MTHFD1L: variants seen among roughly 807,000 people sequenced by gnomAD.
MTHFD1L encodes the protein monofunctional C1-tetrahydrofolate synthase, mitochondrial.
A neutral mutation model predicts 119.5 loss-of-function variants in MTHFD1L; 81 were observed. The ratio of observed to expected loss-of-function variants is 0.68; its 90% CI spans 0.57 to 0.82. MTHFD1L has a LOEUF of 0.82. MTHFD1L is among the 40% of genes least tolerant of loss of function. The pLI is 0.00. For synonymous variants in MTHFD1L, 430 were observed against 475.2 expected (o/e 0.90, Z 1.24); for missense variants, 1,125 against 1,253.4 (o/e 0.90, Z 1.55).
At chr6:150,941,649 G>A (rs945354307) in intron 13 of MTHFD1L, among the ~76,000 whole-genome samples, 1 of 152,172 alleles carries the variant, frequency 6.6e-6, no homozygotes, top group African/African-American at 2.4e-5. Context: ...TAGAAAAGAG[G>A]AGGATTCAAG....
intron 24 of MTHFD1L, among the ~76,000 whole-genome samples, chr6:151,030,415 C>A (rs1465284667): frequency 6.6e-6 from 1 of 152,254 alleles, no homozygotes; most frequent in Non-Finnish European, 1.5e-5. Context: ...GAGCTGACTT[C>A]TAACAAAGCA....
intron 20 of MTHFD1L, among the ~76,000 whole-genome samples, chr6:150,982,495 G>GGGGACA (rs1402801806): frequency 6.6e-6 from 1 of 152,136 alleles, no homozygotes; most frequent in Non-Finnish European, 1.5e-5. Flanking sequence ...TAATGCTACG[G>GGGGACA]GGGACATTCT....
chr6:151,051,891 G>A (rs1310911545), intron 26 of MTHFD1L, among the ~76,000 whole-genome samples: 1 of 152,262 alleles, frequency 6.6e-6, no homozygotes, highest in African/African-American at 2.4e-5. Flanking sequence ...GCGCCCTCCT[G>A]AGGGAGGCAG....
At chr6:150,960,229 C>G (rs1796234293) in intron 17 of MTHFD1L, 46 bp from the exon 18 acceptor site, 2 of 1,558,322 alleles carry the variant, frequency 1.3e-6, no homozygotes, top group African/African-American at 2.7e-5. Flanking sequence ...AATGGCCATC[C>G]CACTGGCACT....
chr6:150,978,702 A>G (rs1776993814), intron 20 of MTHFD1L, among the ~76,000 whole-genome samples: 2 of 152,170 alleles, frequency 1.3e-5, no homozygotes, highest in Non-Finnish European at 2.9e-5. Context: ...TGCTGAGACT[A>G]TCATATACCT....
intron 24 of MTHFD1L, among the ~76,000 whole-genome samples, chr6:151,030,819 G>A (rs1470751412): frequency 6.6e-6 from 1 of 152,206 alleles, no homozygotes; most frequent in Non-Finnish European, 1.5e-5. Flanking sequence ...AGGTAAATAA[G>A]AGATGGTCCC....
chr6:150,943,044 A>C (rs1793397318), intron 13 of MTHFD1L, among the ~76,000 whole-genome samples: 1 of 149,124 alleles, frequency 6.7e-6, no homozygotes, highest in Non-Finnish European at 1.5e-5. Context: ...GCACTTTGGG[A>C]GTCTGAGGTG....
At chr6:150,937,748 C>G (rs187535777) in intron 12 of MTHFD1L, among the ~76,000 whole-genome samples, 1 of 152,254 alleles carries the variant, frequency 6.6e-6, no homozygotes, top group Non-Finnish European at 1.5e-5. Flanking sequence ...GGAGCCGCAT[C>G]TCTAAAAGTC....
At chr6:150,970,206 TATTG>T (rs1010346427) in intron 19 of MTHFD1L, among the ~76,000 whole-genome samples, 1 of 152,208 alleles carries the variant, frequency 6.6e-6, no homozygotes. Flanking sequence ...GGTTTAAGAA[TATTG>T]ATTGATTGAT....
chr6:150,909,266 T>TAAA (rs74724132), intron 8 of MTHFD1L, among the ~76,000 whole-genome samples: 21 of 140,402 alleles, frequency 1.5e-4, no homozygotes, highest in East Asian at 6.2e-4. Flanking sequence ...GTAACTACTT[T>TAAA]AAAAAAAAAA....
At chr6:150,922,616 A>G (rs1789152485) in intron 10 of MTHFD1L, among the ~76,000 whole-genome samples, 1 of 147,110 alleles carries the variant, frequency 6.8e-6, no homozygotes, top group Admixed American at 6.9e-5. Flanking sequence ...GATGTTTCCT[A>G]TATTTAATGG....
At chr6:150,921,316 T>C (rs1788894116) in intron 9 of MTHFD1L, among the ~76,000 whole-genome samples, 1 of 151,922 alleles carries the variant, frequency 6.6e-6, no homozygotes, top group Non-Finnish European at 1.5e-5. Flanking sequence ...ACGGGGTTTC[T>C]CCATGTTGGT....
intron 17 of MTHFD1L, among the ~76,000 whole-genome samples, 192 bp from the exon 18 acceptor site, chr6:150,960,083 A>G (rs902739168): frequency 2.0e-5 from 3 of 152,136 alleles, no homozygotes; most frequent in African/African-American, 7.2e-5. Flanking sequence ...CTGGGAGGCC[A>G]CCCTAGGGAG....
intron 20 of MTHFD1L, among the ~76,000 whole-genome samples, chr6:151,004,171 T>G (rs1422181571): frequency 1.3e-5 from 2 of 151,916 alleles, no homozygotes; most frequent in Non-Finnish European, 2.9e-5. Flanking sequence ...GGTGAAATCC[T>G]GTCTCTACTA....
intron 18 of MTHFD1L, among the ~76,000 whole-genome samples, chr6:150,962,778 T>C (rs1796623260): frequency 6.6e-6 from 1 of 152,174 alleles, no homozygotes; most frequent in Admixed American, 6.5e-5. Flanking sequence ...GTTTATTTGG[T>C]TGGGAAGTGT....
intron 15 of MTHFD1L, among the ~76,000 whole-genome samples, chr6:150,946,813 C>T (rs997915551): frequency 3.3e-5 from 5 of 152,086 alleles, no homozygotes; most frequent in African/African-American, 9.6e-5. Context: ...CAGTGGCTCA[C>T]GCCTGTAATC....
At chr6:151,027,852 T>C (rs1784795327) in intron 24 of MTHFD1L, among the ~76,000 whole-genome samples, 1 of 152,196 alleles carries the variant, frequency 6.6e-6, no homozygotes, top group Non-Finnish European at 1.5e-5. Context: ...AAGAGCACTC[T>C]GGCCATGGGC....
chr6:150,873,589 T>C (rs2128732251), intron 1 of MTHFD1L, among the ~76,000 whole-genome samples: 1 of 152,256 alleles, frequency 6.6e-6, no homozygotes, highest in East Asian at 1.9e-4. Context: ...CCACTTAGTG[T>C]CTCAGAATTA....
At chr6:151,040,720 T>G (rs11753741) in intron 26 of MTHFD1L, among the ~76,000 whole-genome samples, 4,876 of 152,080 alleles carry the variant, frequency 0.032, 134 homozygotes, top group African/African-American at 0.075. Context: ...AAAAATGAAA[T>G]AAAATAATAA....
Sources: allele counts gnomAD v4.1 joint callset (sites outside exome capture counted in the v4.1 genomes callset), GRCh38; gene constraint gnomAD v4.1.1; transcripts MANE v1.5; gene names NCBI Gene and HGNC (gene_info 2026-07-23, HGNC 2026-07-21).